The following ASMTL variants were observed in gnomAD, a reference collection of about 807,000 sequenced individuals.
ASMTL encodes probable bifunctional dTTP/UTP pyrophosphatase/methyltransferase protein.
In ASMTL, 57 loss-of-function variants were observed where a neutral mutation model predicts 60.3. The ratio of observed to expected loss-of-function variants is 0.95; its 90% CI spans 0.76 to 1.18. The LOEUF (loss-of-function observed/expected upper bound fraction) is 1.18. Among genes scored for constraint, ASMTL ranks in the 50% most tolerant of loss-of-function variants. The pLI, the probability that ASMTL is intolerant of heterozygous loss-of-function variation, is 0.00. For missense variants in ASMTL, 981 were observed against 852.6 expected, an observed-to-expected ratio of 1.15 and a Z score of -1.88; for synonymous variants, 419 against 373.0, an observed-to-expected ratio of 1.12 and a Z score of -1.42.
intron 12 of ASMTL, among the ~76,000 whole-genome samples, chrX:1,406,421 T>C (rs1320819538): frequency 3.3e-5 from 5 of 151,182 alleles, no homozygotes; most frequent in African/African-American, 9.7e-5. Context: ...GATGGATGCA[T>C]GGATGAGATG....
intron 12 of ASMTL, among the ~76,000 whole-genome samples, chrX:1,410,391 G>C (rs1220921217): frequency 1.3e-5 from 2 of 152,146 alleles, no homozygotes; most frequent in African/African-American, 4.8e-5. Flanking sequence ...GGGTGACAGA[G>C]GGGGACTCCT....
rs760785752 is a variant in ASMTL, at chrX:1,442,164, C to T, written c.225+22G>A. ...CACAGCAAAGGAATTTTCATAAGGG[C>T]CGAAGGGCAGGGGCCCCTTGCCTGG... On this transcript the variant is annotated intron_variant, in intron 2 of 12. Coordinates refer to ENST00000381317, the MANE Select transcript of ASMTL (RefSeq NM_004192.4). The T allele has an allele frequency of 9.3e-6, 15 of 1,611,930 alleles. No individual in the cohort carries two copies. The Admixed American group carries it at 1.3e-4, about 14-fold the overall frequency.
At position 1,436,275 on chromosome X, in the gene ASMTL, G is replaced by C. The variant is rs181118403; in HGVS notation, c.274-517C>G. Among the ~76,000 whole-genome samples, 1,505 of 152,338 alleles carry C rather than the reference G, an allele frequency of 9.9e-3. 15 individuals carry two copies. The highest frequency in any genetic ancestry group is 0.013 in the Non-Finnish European group (915 of 68,016). On this transcript the variant is annotated intron_variant, in intron 3 of 12. Coordinates refer to ENST00000381317, the MANE Select transcript of ASMTL (RefSeq NM_004192.4). ...TGCAACCTCCGCCTCCGGGGTTCAA[G>C]TGATTCTCCTGCCTCAGCCTCCCGA...
intron 3 of ASMTL, among the ~76,000 whole-genome samples, chrX:1,436,485 T>G (rs1241242951): frequency 3.2e-4 from 49 of 152,150 alleles, no homozygotes; most frequent in African/African-American, 1.1e-3. Context: ...CCCGAGTAGC[T>G]GGGACTACAG....
chrX:1,425,552 T>A lies in ASMTL; in HGVS notation c.1033A>T (p.Met345Leu). The A allele has an allele frequency of 6.2e-7, 1 of 1,613,336 alleles. No individual in the cohort carries two copies. Among genetic ancestry groups the A allele is most frequent in the Non-Finnish European group, 8.5e-7 (1 of 1,179,784 alleles). Residue 345 changes from methionine to leucine, a missense_variant, in exon 8 of 13, where the codon ATG becomes TTG. Physicochemically the swap from Met to Leu is conservative, Grantham distance 15. Transcript: ENST00000381317. The part of the protein sequence containing the change: ...MERLLDICAA[M>L]GLLEKTEQGY... ...TGCTCTGTCTTCTCCAGGAGCCCCA[T>A]GGCAGCACAGATGTCCAGAAGCCTC...
At chrX:1,432,247 C>G (rs778688356) in intron 6 of ASMTL, 22 bp downstream of exon 6, 9 of 1,581,406 alleles carry the variant, frequency 5.7e-6, no homozygotes, top group Non-Finnish European at 7.8e-6. Flanking sequence ...TCCCCCGTCC[C>G]CCCACCGCCC....
chrX:1,446,407 CTT>C (rs1344837436), intron 1 of ASMTL, among the ~76,000 whole-genome samples: 2 of 151,978 alleles, frequency 1.3e-5, no homozygotes, highest in Non-Finnish European at 2.9e-5. Flanking sequence ...TCTTTTATCT[CTT>C]TGTCTTGTGT....
At chrX:1,433,149 G>A (rs1212941268) in intron 5 of ASMTL, among the ~76,000 whole-genome samples, 5 of 151,952 alleles carry the variant, frequency 3.3e-5, no homozygotes, top group African/African-American at 4.8e-5. Flanking sequence ...CTCAGGGTCC[G>A]GACACAGAGC....
chrX:1,416,584 C>G (rs1188221014), intron 11 of ASMTL, among the ~76,000 whole-genome samples: 1 of 109,774 alleles, frequency 9.1e-6, no homozygotes, highest in Admixed American at 9.8e-5. Flanking sequence ...CGCAGACACA[C>G]AGACATACAC....
chrX:1,405,367 G>A (rs1228968130), intron 12 of ASMTL, among the ~76,000 whole-genome samples: 1 of 149,976 alleles, frequency 6.7e-6, no homozygotes. Context: ...GGATGAGATG[G>A]ATGGATGGGT....
chrX:1,411,058 G>T (rs777798757), intron 12 of ASMTL, among the ~76,000 whole-genome samples: 2 of 150,496 alleles, frequency 1.3e-5, no homozygotes, highest in East Asian at 4.0e-4. Flanking sequence ...GGTGGTATGT[G>T]CCAGTAATCC....
chrX:1,425,156 C>A (rs1350465279), intron 8 of ASMTL, among the ~76,000 whole-genome samples: 1 of 152,074 alleles, frequency 6.6e-6, no homozygotes, highest in African/African-American at 2.4e-5. Flanking sequence ...ATGCATTTAT[C>A]ATCTATCTAT....
At chrX:1,422,919 C>T (rs1161925277) in intron 8 of ASMTL, among the ~76,000 whole-genome samples, 1 of 151,966 alleles carries the variant, frequency 6.6e-6, no homozygotes, top group African/African-American at 2.4e-5. Flanking sequence ...GATGAAAAGC[C>T]TTTCTCCATA....
intron 12 of ASMTL, 85 bp from the exon 13 acceptor site, chrX:1,403,574 G>T: frequency 2.3e-6 from 3 of 1,303,172 alleles, no homozygotes; most frequent in Non-Finnish European, 1.1e-6. Context: ...CAGGCAACAG[G>T]AGCTCAGAAC....
At chrX:1,419,257 C>G (rs1267556804) in intron 9 of ASMTL, 143 bp from the exon 10 acceptor site, 2 of 921,110 alleles carry the variant, frequency 2.2e-6, no homozygotes, top group Non-Finnish European at 1.6e-6. Context: ...GGGCTTCATG[C>G]CACAGCTGTG....
At position 1,439,164 on chromosome X, in the gene ASMTL, C is replaced by T. The variant is rs181611817; in HGVS notation, c.226-20G>A. 708 of 1,613,734 alleles carry T rather than the reference C, an allele frequency of 4.4e-4. 3 individuals carry two copies. Among genetic ancestry groups the T allele is most frequent in the Middle Eastern group, 3.3e-3 (20 of 6,054 alleles). On this transcript the variant is annotated intron_variant, in intron 2 of 12. Coordinates refer to ENST00000381317, the MANE Select transcript of ASMTL (RefSeq NM_004192.4). The stretch of plus-strand genomic sequence containing the variant: ...GTCTTTCTGTAAGAAAACCAGATTC[C>T]GGTTTACCGGTGACGTGCCGTGGGT...
At chrX:1,411,765 C>A (rs1265556215) in intron 12 of ASMTL, among the ~76,000 whole-genome samples, 7 of 147,422 alleles carry the variant, frequency 4.7e-5, no homozygotes, top group Non-Finnish European at 1.0e-4. Context: ...TGAGCCACTT[C>A]AACTTCACGA....
At chrX:1,426,322 C>T (rs28528112) in intron 7 of ASMTL, among the ~76,000 whole-genome samples, 98,443 of 151,898 alleles carry the variant, frequency 0.65, 32,808 homozygotes, top group East Asian at 0.83. Context: ...GAGGCACAGA[C>T]GGAATGTGCT....
At chrX:1,433,488 AC>A (rs1468040414) in intron 5 of ASMTL, among the ~76,000 whole-genome samples, 1 of 131,592 alleles carries the variant, frequency 7.6e-6, no homozygotes, top group East Asian at 2.3e-4. Context: ...CCACGGTGAA[AC>A]CCCGTCTCTA....
Sources: allele counts gnomAD v4.1 joint callset (sites outside exome capture counted in the v4.1 genomes callset), GRCh38; gene constraint gnomAD v4.1.1; transcripts MANE v1.5; gene names NCBI Gene and HGNC (gene_info 2026-07-23, HGNC 2026-07-21).